Variants in ELP2 observed in about 807,000 individuals in gnomAD.
ELP2 encodes elongator acetyltransferase complex subunit 2.
ELP2 carries 90 observed loss-of-function variants against 119.2 expected under a neutral mutation model. That is an observed-to-expected ratio of 0.75 (90% confidence interval 0.64 to 0.90). The LOEUF (loss-of-function observed/expected upper bound fraction) is 0.90, where lower values mean the gene tolerates loss of function less well. ELP2 is among the 40% of genes least tolerant of loss of function. The probability of loss-of-function intolerance (pLI) is 0.00; values close to 1 mark genes in which losing one functional copy is unlikely to be tolerated. For missense variants in ELP2, 921 were observed against 967.8 expected, an observed-to-expected ratio of 0.95 and a Z score of 0.64; for synonymous variants, 339 against 331.0, an observed-to-expected ratio of 1.02 and a Z score of -0.26.
chr18:36,164,985 A>G (rs2090852700), intron 18 of ELP2: 3 of 346,354 alleles, frequency 8.7e-6, no homozygotes, highest in South Asian at 6.1e-5. Flanking sequence ...ATGCTACCAC[A>G]AAGCCTAATG....
chr18:36,156,791 GT>G, intron 13 of ELP2, 137 bp downstream of exon 13: 2 of 861,292 alleles, frequency 2.3e-6, no homozygotes, highest in South Asian at 3.2e-5. Flanking sequence ...ATGTGACAAA[GT>G]TTTTGTGCAC....
Position 36,145,967 on chromosome 18 carries a change from A to G in ELP2, c.912A>G (p.Pro304=), listed in dbSNP as rs2090185716. ...VFYKDGVLQQ[P]VRLLSASMDK... is the part of the protein sequence containing the mutation. ...TTTTAGATGGTGTCCTACAGCAGCC[A>G]GTGAGATTATTATCTGCTTCCATGG... is the stretch of plus-strand genomic sequence containing the variant. The change falls in exon 10 of 22, where the codon CCA becomes CCG. Residue 304 remains proline, a synonymous_variant. Coordinates refer to ENST00000358232, the MANE Select transcript of ELP2 (RefSeq NM_018255.4). 6.2e-7 allele frequency: 1 copy of G among 1,613,720 alleles called. No individual in the cohort carries two copies. Among genetic ancestry groups the G allele is most frequent in the Non-Finnish European group, 8.5e-7 (1 of 1,179,738 alleles).
At chr18:36,132,146 G>C (rs1320491669) in intron 1 of ELP2, among the ~76,000 whole-genome samples, 1 of 152,054 alleles carries the variant, frequency 6.6e-6, no homozygotes, top group Admixed American at 6.5e-5. Flanking sequence ...CTGGCCTCCT[G>C]AAGTGCTGGG....
intron 11 of ELP2, among the ~76,000 whole-genome samples, chr18:36,153,881 C>T (rs999966745): frequency 2.0e-5 from 3 of 151,926 alleles, no homozygotes; most frequent in African/African-American, 7.3e-5. Flanking sequence ...GTAGCCTCCC[C>T]CACTACATTG....
At chr18:36,150,493 C>T (rs1049923923) in intron 11 of ELP2, among the ~76,000 whole-genome samples, 1 of 152,202 alleles carries the variant, frequency 6.6e-6, no homozygotes, top group Non-Finnish European at 1.5e-5. Flanking sequence ...GGGATAGCTT[C>T]AGCTAATGTT....
At chr18:36,142,368 A>G in intron 7 of ELP2, 21 bp downstream of exon 7, 2 of 1,596,010 alleles carry the variant, frequency 1.3e-6, no homozygotes, top group Non-Finnish European at 1.7e-6. Flanking sequence ...AATTTTGCTA[A>G]TGCACATACA....
chr18:36,140,291 C>G (rs771065730), intron 5 of ELP2, among the ~76,000 whole-genome samples: 19 of 151,924 alleles, frequency 1.3e-4, no homozygotes, highest in Non-Finnish European at 1.9e-4. Flanking sequence ...CCATGCCTGG[C>G]TAATTGCCTT....
Position 36,170,062 on chromosome 18 carries a change from G to C in ELP2, c.2077-1G>C, listed in dbSNP as rs767767097. 1 of 1,614,130 alleles carries C rather than the reference G, an allele frequency of 6.2e-7. No individual in the cohort carries two copies. The highest frequency in any genetic ancestry group is 8.5e-7 in the Non-Finnish European group (1 of 1,180,026). ...TACAGTGTGTGATCTGTCTGTATTA[G>C]GTGGTTGTCTGGGGTGAGTGCGACT... On this transcript the variant is annotated splice_acceptor_variant, in intron 19 of 21. Transcript: ENST00000358232. LOFTEE classifies it high-confidence loss of function.
intron 11 of ELP2, among the ~76,000 whole-genome samples, chr18:36,150,006 T>C (rs532426470): frequency 2.6e-5 from 4 of 152,234 alleles, no homozygotes; most frequent in African/African-American, 9.6e-5. Flanking sequence ...TTCTGGTTTT[T>C]TTATGGCATG....
chr18:36,154,758 G>C, intron 11 of ELP2, 92 bp from the exon 12 acceptor site: 1 of 1,420,622 alleles, frequency 7.0e-7, no homozygotes, highest in Non-Finnish European at 9.9e-7. Context: ...TTGCCAGAGG[G>C]CTTTAGTCTT....
At chr18:36,164,736 C>G in intron 18 of ELP2, 69 bp downstream of exon 18, 4 of 1,467,588 alleles carry the variant, frequency 2.7e-6, no homozygotes, top group Non-Finnish European at 3.8e-6. Flanking sequence ...CATTAAGCAG[C>G]TTTAGTTAAG....
chr18:36,172,927 A>C (rs559289), intron 21 of ELP2, among the ~76,000 whole-genome samples: 54,598 of 152,164 alleles, frequency 0.36, 9,906 homozygotes, highest in Middle Eastern at 0.44. Flanking sequence ...TCAGTTACCA[A>C]GTTCCAAGTA....
intron 9 of ELP2, 41 bp from the exon 10 acceptor site, chr18:36,145,907 T>G (rs1381533794): frequency 6.6e-7 from 1 of 1,505,536 alleles, no homozygotes; most frequent in Non-Finnish European, 9.3e-7. Flanking sequence ...ACAAACATGA[T>G]GATTGTTGAT....
At chr18:36,140,929 T>A (rs1386803502) in intron 5 of ELP2, among the ~76,000 whole-genome samples, 2 of 152,278 alleles carry the variant, frequency 1.3e-5, no homozygotes, top group Admixed American at 6.5e-5. Context: ...ATAGTCATTA[T>A]ATTTACCAAG....
At chr18:36,160,098 C>T in intron 16 of ELP2, 83 bp downstream of exon 16, 2 of 1,277,262 alleles carry the variant, frequency 1.6e-6, no homozygotes, top group Admixed American at 3.4e-5. Flanking sequence ...TCTGATGTCT[C>T]CTTTTTCTTC....
At chr18:36,151,225 C>T (rs1228521644) in intron 11 of ELP2, among the ~76,000 whole-genome samples, 4 of 151,992 alleles carry the variant, frequency 2.6e-5, no homozygotes, top group Non-Finnish European at 5.9e-5. Flanking sequence ...GCTGAGACTA[C>T]AGGCAGGCAC....
At chr18:36,151,204 C>T (rs568270422) in intron 11 of ELP2, among the ~76,000 whole-genome samples, 46 of 152,058 alleles carry the variant, frequency 3.0e-4, no homozygotes, top group African/African-American at 9.2e-4. Flanking sequence ...CCCACCTCCA[C>T]CTCCCGAGTA....
intron 21 of ELP2, among the ~76,000 whole-genome samples, chr18:36,173,694 AGGGACTGTCAGCAAATGAAAGTGTAAT>A (rs1555648075): frequency 2.0e-5 from 3 of 152,214 alleles, no homozygotes; most frequent in Non-Finnish European, 4.4e-5. Context: ...ATCTGGTGAC[AGGGACTGTCAGCAAATGAAAGTGTAAT>A]GTGTGTGCTC....
intron 19 of ELP2, among the ~76,000 whole-genome samples, chr18:36,168,212 C>G (rs374366905): frequency 9.8e-5 from 15 of 152,326 alleles, no homozygotes; most frequent in African/African-American, 3.6e-4. Flanking sequence ...AGGCTAAACA[C>G]TTACATGTCA....
Sources: allele counts gnomAD v4.1 joint callset (sites outside exome capture counted in the v4.1 genomes callset), GRCh38; gene constraint gnomAD v4.1.1; transcripts MANE v1.5; gene names NCBI Gene and HGNC (gene_info 2026-07-23, HGNC 2026-07-21).